Variants in KCNJ6 observed in about 807,000 individuals in gnomAD.
The protein encoded by KCNJ6 is G protein-activated inward rectifier potassium channel 2.
KCNJ6 carries 9 observed loss-of-function variants against 34.2 expected under a neutral mutation model. The observed-to-expected ratio is 0.26, with a 90% CI of 0.16 to 0.46. The LOEUF (loss-of-function observed/expected upper bound fraction) is 0.46. Among genes scored for constraint, KCNJ6 ranks in the 20% least tolerant of loss-of-function variants. KCNJ6 has a pLI of 1.00. For synonymous variants in KCNJ6, 196 were observed against 207.1 expected (o/e 0.95, Z 0.46); for missense variants, 236 against 531.3 (o/e 0.44, Z 5.46).
intron 1 of KCNJ6, among the ~76,000 whole-genome samples, chr21:37,882,012 T>C (rs2055711277): frequency 2.0e-5 from 3 of 152,160 alleles, no homozygotes; most frequent in Non-Finnish European, 4.4e-5. Context: ...AGGTAGCAAG[T>C]GCCCTGTCTT....
chr21:37,665,350 C>A (rs1028998321), intron 3 of KCNJ6, among the ~76,000 whole-genome samples: 1 of 152,170 alleles, frequency 6.6e-6, no homozygotes, highest in Non-Finnish European at 1.5e-5. Flanking sequence ...CTGTATAAGT[C>A]CATGCGATCA....
At chr21:37,649,384 C>G (rs549358323) in intron 3 of KCNJ6, among the ~76,000 whole-genome samples, 2 of 152,152 alleles carry the variant, frequency 1.3e-5, no homozygotes, top group Non-Finnish European at 2.9e-5. Context: ...AGACTCAGAA[C>G]ACATTATAAT....
chr21:37,783,479 T>C (rs2055179160), intron 2 of KCNJ6, among the ~76,000 whole-genome samples: 2 of 152,184 alleles, frequency 1.3e-5, no homozygotes, highest in Non-Finnish European at 2.9e-5. Context: ...ATGTAAGAAG[T>C]GCCTTTTGCC....
chr21:37,702,240 A>AAC (rs1451017127), intron 3 of KCNJ6, among the ~76,000 whole-genome samples: 1 of 151,150 alleles, frequency 6.6e-6, no homozygotes, highest in Non-Finnish European at 1.5e-5. Context: ...CTCACAAAAA[A>AAC]AAAAAAAAAA....
intron 2 of KCNJ6, chr21:37,719,283 G>A (rs1331141688): frequency 6.6e-6 from 1 of 152,400 alleles, no homozygotes; most frequent in African/African-American, 2.4e-5. Flanking sequence ...AGATGTTGCA[G>A]GGTAAATATA....
At chr21:37,845,181 T>C (rs966450174) in intron 1 of KCNJ6, among the ~76,000 whole-genome samples, 1 of 152,200 alleles carries the variant, frequency 6.6e-6, no homozygotes, top group East Asian at 1.9e-4. Context: ...ACAGATATAT[T>C]TGTTTCATGA....
chr21:37,699,204 C>T (rs2054677989), intron 3 of KCNJ6, among the ~76,000 whole-genome samples: 1 of 152,152 alleles, frequency 6.6e-6, no homozygotes, highest in Admixed American at 6.5e-5. Context: ...ATACCAGTTC[C>T]GTAAGGGCAG....
intron 2 of KCNJ6, among the ~76,000 whole-genome samples, chr21:37,734,681 G>A (rs1218070753): frequency 1.3e-5 from 2 of 152,060 alleles, no homozygotes; most frequent in Non-Finnish European, 2.9e-5. Context: ...GGGGTGAAGG[G>A]ATCCTATTTT....
At chr21:37,815,889 C>T (rs1234424243) in intron 2 of KCNJ6, among the ~76,000 whole-genome samples, 3 of 152,296 alleles carry the variant, frequency 2.0e-5, no homozygotes, top group East Asian at 1.9e-4. Context: ...TACGTCCCTG[C>T]GCATGACACG....
At chr21:37,815,816 C>A (rs1226198462) in intron 2 of KCNJ6, among the ~76,000 whole-genome samples, 2 of 152,194 alleles carry the variant, frequency 1.3e-5, no homozygotes, top group Non-Finnish European at 2.9e-5. Context: ...TTGGCTTTAG[C>A]CCCCATATGT....
At chr21:37,878,772 AAAGGTAGAGC>A (rs1461488721) in intron 1 of KCNJ6, among the ~76,000 whole-genome samples, 7 of 152,046 alleles carry the variant, frequency 4.6e-5, no homozygotes, top group Non-Finnish European at 8.8e-5. Flanking sequence ...TCCGGGAGGG[AAAGGTAGAGC>A]GGTATGTGGG....
chr21:37,889,860 T>C (rs2055753850), intron 1 of KCNJ6, among the ~76,000 whole-genome samples: 2 of 152,188 alleles, frequency 1.3e-5, no homozygotes, highest in African/African-American at 4.8e-5. Context: ...AATGACCTCA[T>C]CTTAACTTGG....
At chr21:37,689,737 C>T (rs1157954932) in intron 3 of KCNJ6, among the ~76,000 whole-genome samples, 1 of 151,976 alleles carries the variant, frequency 6.6e-6, no homozygotes, top group Non-Finnish European at 1.5e-5. Flanking sequence ...ACTCATGGCC[C>T]ACCGTGAAAG....
intron 2 of KCNJ6, among the ~76,000 whole-genome samples, chr21:37,792,298 T>A (rs2055220676): frequency 6.6e-6 from 1 of 152,172 alleles, no homozygotes; most frequent in African/African-American, 2.4e-5. Context: ...GTTCAGTGGA[T>A]CTCAGTTCAT....
intron 1 of KCNJ6, among the ~76,000 whole-genome samples, chr21:37,899,194 A>G (rs2055804513): frequency 6.6e-6 from 1 of 152,176 alleles, no homozygotes; most frequent in Non-Finnish European, 1.5e-5. Flanking sequence ...TCTCCTGGGT[A>G]AAGGTGGAAG....
At chr21:37,822,869 G>T (rs1175929938) in intron 2 of KCNJ6, among the ~76,000 whole-genome samples, 2 of 152,164 alleles carry the variant, frequency 1.3e-5, no homozygotes, top group Non-Finnish European at 1.5e-5. Context: ...ACCAAAACGG[G>T]GGACTCGAGA....
intron 2 of KCNJ6, among the ~76,000 whole-genome samples, chr21:37,734,374 A>ATTT (rs1486399740): frequency 6.6e-6 from 1 of 152,140 alleles, no homozygotes; most frequent in Non-Finnish European, 1.5e-5. Flanking sequence ...AATGTTGTAC[A>ATTT]GAGGAGAGCC....
intron 2 of KCNJ6, among the ~76,000 whole-genome samples, chr21:37,824,611 C>T (rs2055390011): frequency 6.6e-6 from 1 of 152,018 alleles, no homozygotes; most frequent in African/African-American, 2.4e-5. Context: ...GGGGCATTTT[C>T]CCCCAAGCTG....
chr21:37,644,483 G>A (rs2054394754), intron 3 of KCNJ6, among the ~76,000 whole-genome samples: 1 of 152,124 alleles, frequency 6.6e-6, no homozygotes, highest in African/African-American at 2.4e-5. Context: ...TGCCTCTGTG[G>A]TATAAGATGC....
Sources: gnomAD v4.1 joint callset for allele counts (sites outside exome capture counted in the v4.1 genomes callset) on GRCh38, gnomAD v4.1.1 for gene constraint, MANE v1.5 for transcripts, NCBI Gene and HGNC (gene_info 2026-07-23, HGNC 2026-07-21) for gene names.